RALGAPA1: variants seen among roughly 807,000 people sequenced by gnomAD.
RALGAPA1 encodes the protein ral GTPase-activating protein subunit alpha-1.
A neutral mutation model predicts 269.6 loss-of-function variants in RALGAPA1; 52 were observed. The observed-to-expected ratio is 0.19, with a 90% CI of 0.15 to 0.24. RALGAPA1 has a LOEUF of 0.24. RALGAPA1 is among the 10% of genes least tolerant of loss of function. The pLI, the probability that RALGAPA1 is intolerant of heterozygous loss-of-function variation, is 1.00. For missense variants in RALGAPA1, 1,917 were observed against 3,013.9 expected, an observed-to-expected ratio of 0.64 and a Z score of 8.52; for synonymous variants, 817 against 1,008.3, an observed-to-expected ratio of 0.81 and a Z score of 3.60.
At chr14:35,756,943 A>C (rs1361931474) in intron 6 of RALGAPA1, 35 bp from the exon 7 acceptor site, 1 of 1,480,242 alleles carries the variant, frequency 6.8e-7, no homozygotes, top group Non-Finnish European at 9.0e-7. Context: ...TATAGTTACA[A>C]AACAAATTTA....
chr14:35,772,724 T>C (rs1267537781), intron 3 of RALGAPA1, among the ~76,000 whole-genome samples: 1 of 152,192 alleles, frequency 6.6e-6, no homozygotes, highest in East Asian at 1.9e-4. Context: ...GTTTATCTCA[T>C]TCAACAAATG....
intron 31 of RALGAPA1, among the ~76,000 whole-genome samples, chr14:35,647,103 CCTTT>C (rs2139937547): frequency 6.6e-6 from 1 of 152,192 alleles, no homozygotes; most frequent in East Asian, 1.9e-4. Flanking sequence ...GGCAACTTAA[CCTTT>C]CTAAGGCTCA....
At chr14:35,655,491 A>G (rs2063118756) in intron 29 of RALGAPA1, among the ~76,000 whole-genome samples, 1 of 152,196 alleles carries the variant, frequency 6.6e-6, no homozygotes, top group Non-Finnish European at 1.5e-5. Context: ...TTACAAAAAT[A>G]CTAGTTAAAA....
chr14:35,744,097 C>A (rs1019272243), intron 10 of RALGAPA1, among the ~76,000 whole-genome samples: 1 of 152,070 alleles, frequency 6.6e-6, no homozygotes, highest in Non-Finnish European at 1.5e-5. Context: ...TGCTGCCGGG[C>A]GCGGTGGCTC....
intron 6 of RALGAPA1, 71 bp downstream of exon 6, chr14:35,760,758 T>G: frequency 3.5e-6 from 4 of 1,132,280 alleles, no homozygotes; most frequent in Non-Finnish European, 3.8e-6. Context: ...GCACAGACAT[T>G]TGAAAAAATA....
At chr14:35,764,285 T>A (rs2073964779) in intron 4 of RALGAPA1, among the ~76,000 whole-genome samples, 1 of 151,928 alleles carries the variant, frequency 6.6e-6, no homozygotes, top group East Asian at 1.9e-4. Context: ...GAGGGCTTCA[T>A]TATGTTGCCA....
At chr14:35,546,795 G>A (rs2054501445) in intron 41 of RALGAPA1, among the ~76,000 whole-genome samples, 1 of 151,988 alleles carries the variant, frequency 6.6e-6, no homozygotes, top group Non-Finnish European at 1.5e-5. Context: ...CTTATTTTAT[G>A]TCTTCTCTGT....
At chr14:35,616,690 C>A (rs2060274917) in intron 35 of RALGAPA1, among the ~76,000 whole-genome samples, 1 of 152,172 alleles carries the variant, frequency 6.6e-6, no homozygotes, top group Non-Finnish European at 1.5e-5. Context: ...TCGAAAACTG[C>A]TCTAGTTTTA....
chr14:35,791,784 T>C (rs1158869283), intron 1 of RALGAPA1, among the ~76,000 whole-genome samples: 6 of 151,170 alleles, frequency 4.0e-5, no homozygotes, highest in Admixed American at 6.6e-5. Flanking sequence ...CGGGCGCCTG[T>C]AGTCCCAGCT....
chr14:35,719,769 GC>G (rs2069200188), intron 16 of RALGAPA1, among the ~76,000 whole-genome samples: 3 of 151,396 alleles, frequency 2.0e-5, no homozygotes, highest in Admixed American at 2.0e-4. Flanking sequence ...AGACAGAGTC[GC>G]CCTCTGTCGC....
chr14:35,612,017 A>G (rs2059965008), intron 35 of RALGAPA1, among the ~76,000 whole-genome samples: 1 of 152,206 alleles, frequency 6.6e-6, no homozygotes, highest in African/African-American at 2.4e-5. Flanking sequence ...TGGTATCAAG[A>G]CATTTCAATG....
intron 16 of RALGAPA1, among the ~76,000 whole-genome samples, chr14:35,709,514 T>A (rs749937744): frequency 6.6e-6 from 1 of 152,172 alleles, no homozygotes; most frequent in East Asian, 1.9e-4. Flanking sequence ...GACCCAACTT[T>A]CGGTTTTGTT....
In RALGAPA1 at chr14:35,762,661, A is replaced by G. The variant is rs764310846; in HGVS notation, c.369+49T>C. ...GGAAAAGTGTTAACAGGTGGGATGT[A>G]TGTTCTACTCAGTATTTTTAAAGTC... On this transcript the variant is annotated intron_variant, in intron 5 of 41. Coordinates refer to ENST00000680220, the MANE Select transcript of RALGAPA1 (RefSeq NM_001346249.2). The G allele has an allele frequency of 2.9e-6, 3 of 1,026,048 alleles. No homozygotes were observed. In the South Asian group the frequency reaches 3.8e-5, roughly 13 times the overall value. 63.6% of individuals were successfully genotyped at this position (1,026,048 alleles called of 1,614,324 possible).
At chr14:35,762,565 A>C (rs1192924605) in intron 5 of RALGAPA1, 145 bp downstream of exon 5, 1 of 709,032 alleles carries the variant, frequency 1.4e-6, no homozygotes, top group Non-Finnish European at 2.6e-6. Context: ...CTCTTGCTAC[A>C]TTTTAAGGGA....
intron 34 of RALGAPA1, among the ~76,000 whole-genome samples, 153 bp from the exon 35 acceptor site, chr14:35,625,585 TAA>T (rs1206450958): frequency 6.6e-6 from 1 of 152,210 alleles, no homozygotes; most frequent in African/African-American, 2.4e-5. Context: ...AAAAAAAATG[TAA>T]AGAATATACG....
intron 39 of RALGAPA1, among the ~76,000 whole-genome samples, chr14:35,563,890 C>A (rs1287310194): frequency 1.3e-5 from 2 of 152,054 alleles, no homozygotes; most frequent in Non-Finnish European, 2.9e-5. Context: ...CGGCTCAGTG[C>A]AACCTCTGCC....
At chr14:35,652,821 T>C (rs533849861) in intron 30 of RALGAPA1, among the ~76,000 whole-genome samples, 1 of 152,226 alleles carries the variant, frequency 6.6e-6, no homozygotes, top group Non-Finnish European at 1.5e-5. Context: ...AAAATCTTCA[T>C]ATACAGTGTT....
At chr14:35,739,398 A>G (rs918457732) in intron 11 of RALGAPA1, among the ~76,000 whole-genome samples, 4 of 152,224 alleles carry the variant, frequency 2.6e-5, no homozygotes, top group African/African-American at 9.6e-5. Context: ...TGAGTAGCCA[A>G]TAAAACATGC....
chr14:35,680,669 C>T (rs1180622395), intron 21 of RALGAPA1, among the ~76,000 whole-genome samples: 1 of 151,792 alleles, frequency 6.6e-6, no homozygotes, highest in Admixed American at 6.6e-5. Flanking sequence ...GGCTGGAGTG[C>T]AGTGGTGCAA....
Sources: allele counts gnomAD v4.1 joint callset (sites outside exome capture counted in the v4.1 genomes callset), GRCh38; gene constraint gnomAD v4.1.1; transcripts MANE v1.5; gene names NCBI Gene and HGNC (gene_info 2026-07-23, HGNC 2026-07-21).